ARPP21: variants seen among roughly 807,000 people sequenced by gnomAD.
ARPP21 encodes cAMP-regulated phosphoprotein 21.
ARPP21 carries 69 observed loss-of-function variants against 113.2 expected under a neutral mutation model. That is an observed-to-expected ratio of 0.61 (90% confidence interval 0.50 to 0.74). The LOEUF (loss-of-function observed/expected upper bound fraction) is 0.74. ARPP21 is among the 30% of genes least tolerant of loss of function. ARPP21 has a pLI of 0.00. For synonymous variants in ARPP21, 368 were observed against 375.5 expected (o/e 0.98, Z 0.23); for missense variants, 1,070 against 1,037.4 (o/e 1.03, Z -0.43).
At chr3:35,781,343 G>A (rs2096525014) in intron 19 of ARPP21, 1 of 152,188 alleles carries the variant, frequency 6.6e-6, no homozygotes, top group South Asian at 2.1e-4. Context: ...CCTGGAGCAA[G>A]CCATTAAAAG....
In ARPP21 at chr3:35,793,856, G is replaced by T; in HGVS notation, c.2442G>T (p.Leu814=). 6.2e-7 allele frequency: 1 copy of T among 1,614,198 alleles called. No homozygotes were observed. The highest frequency in any genetic ancestry group is 8.5e-7 in the Non-Finnish European group (1 of 1,180,032). The change falls in exon 21 of 21, where the codon CTG becomes CTT. Residue 814 remains leucine (L), a synonymous_variant. Coordinates refer to ENST00000684406, the MANE Select transcript of ARPP21 (RefSeq NM_001385562.1). The stretch of plus-strand genomic sequence containing the variant: ...CCACCCCTCAGAACAACCTTAGGCT[G>T]ATTGGCCCACACTGCCCCTCCAGCA... The part of the protein sequence containing the change: ...TPPTPQNNLR[L]IGPHCPSSTV...
At chr3:35,723,647 G>T (rs917842256) in intron 14 of ARPP21, among the ~76,000 whole-genome samples, 2 of 152,098 alleles carry the variant, frequency 1.3e-5, no homozygotes, top group African/African-American at 4.8e-5. Flanking sequence ...CACACCAAAA[G>T]AGCTCTTAAG....
intron 8 of ARPP21, 80 bp downstream of exon 8, chr3:35,690,220 A>T (rs999539303): frequency 5.2e-6 from 4 of 765,272 alleles, no homozygotes; most frequent in African/African-American, 5.2e-5. Context: ...TTCTGGAAAG[A>T]CTTAGGGATA....
intron 19 of ARPP21, among the ~76,000 whole-genome samples, chr3:35,757,661 A>C (rs1288769071): frequency 1.3e-5 from 2 of 152,124 alleles, no homozygotes; most frequent in Non-Finnish European, 2.9e-5. Context: ...TGCATAAAGA[A>C]GGCTTTTTGA....
chr3:35,769,930 A>T (rs187356509), intron 19 of ARPP21, among the ~76,000 whole-genome samples: 10 of 152,316 alleles, frequency 6.6e-5, no homozygotes, highest in Middle Eastern at 3.4e-3. Context: ...TACCAAAATA[A>T]GAAGTGTACA....
intron 19 of ARPP21, among the ~76,000 whole-genome samples, chr3:35,788,678 A>T (rs552440284): frequency 6.6e-6 from 1 of 152,312 alleles, no homozygotes; most frequent in South Asian, 2.1e-4. Context: ...CTCAAATAAG[A>T]GTTAAAATAA....
At chr3:35,771,892 C>A (rs2151528427) in intron 19 of ARPP21, among the ~76,000 whole-genome samples, 1 of 152,176 alleles carries the variant, frequency 6.6e-6, no homozygotes, top group African/African-American at 2.4e-5. Flanking sequence ...ATGTTCAGAT[C>A]AAGAGTTTTA....
At chr3:35,721,927 G>A in intron 14 of ARPP21, 93 bp downstream of exon 14, 1 of 723,968 alleles carries the variant, frequency 1.4e-6, no homozygotes, top group East Asian at 2.8e-5. Context: ...TCAGTTGACT[G>A]ATAATGATGA....
At chr3:35,715,647 T>C (rs1048895012) in intron 12 of ARPP21, 171 bp downstream of exon 12, 1 of 451,638 alleles carries the variant, frequency 2.2e-6, no homozygotes, top group Non-Finnish European at 3.8e-6. Flanking sequence ...CTACAAATGA[T>C]CTAATTTGGA....
chr3:35,717,268 T>C (rs985932609), intron 12 of ARPP21, 30 bp from the exon 13 acceptor site: 1 of 1,384,326 alleles, frequency 7.2e-7, no homozygotes, highest in Non-Finnish European at 1.0e-6. Context: ...TTAGGTTTTA[T>C]ATCATAAAAA....
chr3:35,670,873 A>G (rs1271013264), intron 1 of ARPP21, among the ~76,000 whole-genome samples: 1 of 152,180 alleles, frequency 6.6e-6, no homozygotes, highest in Non-Finnish European at 1.5e-5. Context: ...CAGTTGGAAG[A>G]TACACTGGCC....
At chr3:35,662,582 C>T (rs1353320099) in intron 1 of ARPP21, among the ~76,000 whole-genome samples, 1 of 152,150 alleles carries the variant, frequency 6.6e-6, no homozygotes, top group Admixed American at 6.5e-5. Flanking sequence ...CTCTGCTGAT[C>T]CTGCAGAAAG....
At chr3:35,705,784 A>G (rs1012427426) in intron 9 of ARPP21, among the ~76,000 whole-genome samples, 1 of 152,200 alleles carries the variant, frequency 6.6e-6, no homozygotes, top group Non-Finnish European at 1.5e-5. Context: ...AATTATACTC[A>G]GTTAAAAAAA....
At chr3:35,654,630 T>C (rs1703964286) in intron 1 of ARPP21, among the ~76,000 whole-genome samples, 1 of 152,138 alleles carries the variant, frequency 6.6e-6, no homozygotes, top group Admixed American at 6.6e-5. Context: ...ATGCACACGC[T>C]CATTCCTTGA....
chr3:35,733,787 T>C (rs1384316948), intron 15 of ARPP21, among the ~76,000 whole-genome samples: 1 of 152,196 alleles, frequency 6.6e-6, no homozygotes, highest in Non-Finnish European at 1.5e-5. Flanking sequence ...CAATTTTTTG[T>C]ACTCCCTTCT....
intron 13 of ARPP21, among the ~76,000 whole-genome samples, chr3:35,719,993 CTA>C (rs1335368222): frequency 6.6e-6 from 1 of 152,206 alleles, no homozygotes; most frequent in Non-Finnish European, 1.5e-5. Flanking sequence ...TTTCTCCGCT[CTA>C]TCTCCCAAGG....
At chr3:35,699,497 A>C (rs2085432800) in intron 9 of ARPP21, among the ~76,000 whole-genome samples, 1 of 151,720 alleles carries the variant, frequency 6.6e-6, no homozygotes, top group Non-Finnish European at 1.5e-5. Context: ...AATAAATTGG[A>C]ATCTATCAAG....
chr3:35,736,453 A>G (rs1350824685), intron 15 of ARPP21, among the ~76,000 whole-genome samples: 1 of 152,222 alleles, frequency 6.6e-6, no homozygotes, highest in African/African-American at 2.4e-5. Context: ...GCTATTTTGT[A>G]AACTATAAAA....
intron 12 of ARPP21, among the ~76,000 whole-genome samples, chr3:35,716,526 G>A (rs907635397): frequency 1.3e-5 from 2 of 151,694 alleles, no homozygotes; most frequent in African/African-American, 2.4e-5. Flanking sequence ...CACATAAAAG[G>A]GATTCACAGA....
Sources: gnomAD v4.1 joint callset for allele counts (sites outside exome capture counted in the v4.1 genomes callset) on GRCh38, gnomAD v4.1.1 for gene constraint, MANE v1.5 for transcripts, NCBI Gene and HGNC (gene_info 2026-07-23, HGNC 2026-07-21) for gene names.